ZFR: variants seen among roughly 807,000 people sequenced by gnomAD.
The protein encoded by ZFR is zinc finger RNA-binding protein.
A neutral mutation model predicts 130.7 loss-of-function variants in ZFR; 19 were observed. That is an observed-to-expected ratio of 0.15 (90% CI 0.10 to 0.21). The LOEUF is 0.21. ZFR is among the 10% of genes least tolerant of loss of function. ZFR has a pLI of 1.00. For synonymous variants in ZFR, 466 were observed against 456.9 expected (o/e 1.02, Z -0.25); for missense variants, 872 against 1,321.5 (o/e 0.66, Z 5.27).
intron 6 of ZFR, 63 bp downstream of exon 6, chr5:32,406,711 T>TACCAAGGC: frequency 1.3e-6 from 2 of 1,538,064 alleles, no homozygotes; most frequent in South Asian, 2.6e-5. Context: ...GGCTCAGGAG[T>TACCAAGGC]TAGAATACCA....
chr5:32,408,701 G>C (rs900385151), intron 5 of ZFR, among the ~76,000 whole-genome samples: 8 of 152,158 alleles, frequency 5.3e-5, no homozygotes, highest in African/African-American at 1.9e-4. Context: ...GCCCAGTAGA[G>C]TTTATTAGTT....
chr5:32,412,525 T>C (rs994627047), intron 5 of ZFR, among the ~76,000 whole-genome samples: 1 of 152,194 alleles, frequency 6.6e-6, no homozygotes, highest in African/African-American at 2.4e-5. Flanking sequence ...AGCACAAACA[T>C]ACATACACCA....
chr5:32,413,196 A>AAAAAC (rs1554073448), intron 5 of ZFR, among the ~76,000 whole-genome samples: 2 of 151,778 alleles, frequency 1.3e-5, no homozygotes, highest in South Asian at 2.1e-4. Flanking sequence ...TAATCTCAAA[A>AAAAAC]AAAACAAAAC....
chr5:32,360,790 C>T (rs191424272), intron 19 of ZFR, among the ~76,000 whole-genome samples: 1 of 152,124 alleles, frequency 6.6e-6, no homozygotes, highest in Admixed American at 6.5e-5. Context: ...TGAGGTCTTG[C>T]TATGTTGCTC....
chr5:32,375,480 G>C (rs1480809215), intron 17 of ZFR, among the ~76,000 whole-genome samples: 1 of 151,952 alleles, frequency 6.6e-6, no homozygotes, highest in East Asian at 1.9e-4. Flanking sequence ...ACAAGTATTG[G>C]AAAGAAGGCA....
chr5:32,423,464 G>A, intron 2 of ZFR, among the ~76,000 whole-genome samples: 1 of 151,846 alleles, frequency 6.6e-6, no homozygotes, highest in East Asian at 1.9e-4. Flanking sequence ...AACATATGAA[G>A]GCCACAGATG....
chr5:32,438,060 C>T (rs530167959), intron 2 of ZFR, among the ~76,000 whole-genome samples: 1 of 152,188 alleles, frequency 6.6e-6, no homozygotes, highest in South Asian at 2.1e-4. Flanking sequence ...CTCATGAACA[C>T]AGTCCATCTT....
intron 6 of ZFR, among the ~76,000 whole-genome samples, chr5:32,405,386 A>T (rs1031918793): frequency 3.3e-5 from 5 of 152,160 alleles, no homozygotes; most frequent in Admixed American, 2.6e-4. Flanking sequence ...AATCTCAATG[A>T]TATTTTTCGC....
At chr5:32,380,650 CTTTTTTTT>C (rs55724344) in intron 15 of ZFR, among the ~76,000 whole-genome samples, 55 of 97,046 alleles carry the variant, frequency 5.7e-4, no homozygotes, top group Non-Finnish European at 5.8e-4. Context: ...ACAGGCATTT[CTTTTTTTT>C]TTTTTTTTTT....
At chr5:32,430,945 C>T (rs940412560) in intron 2 of ZFR, among the ~76,000 whole-genome samples, 10 of 151,942 alleles carry the variant, frequency 6.6e-5, no homozygotes, top group Admixed American at 2.0e-4. Context: ...GGCATGGTGG[C>T]GTGCCTGTAA....
At chr5:32,433,988 G>C (rs942331616) in intron 2 of ZFR, among the ~76,000 whole-genome samples, 1 of 152,220 alleles carries the variant, frequency 6.6e-6, no homozygotes, top group Non-Finnish European at 1.5e-5. Flanking sequence ...AGGATCACCT[G>C]TGCCTGGGAG....
intron 6 of ZFR, among the ~76,000 whole-genome samples, chr5:32,406,088 CATA>C (rs1446670595): frequency 6.6e-6 from 1 of 152,192 alleles, no homozygotes. Flanking sequence ...CACTCTTAAG[CATA>C]ATAATAAGGC....
At chr5:32,439,637 G>C (rs906435543) in intron 2 of ZFR, among the ~76,000 whole-genome samples, 15 of 151,790 alleles carry the variant, frequency 9.9e-5, no homozygotes, top group African/African-American at 3.4e-4. Context: ...AAGAAAAAGT[G>C]GCTGTTTACA....
At chr5:32,401,311 A>G (rs1263490666) in intron 8 of ZFR, among the ~76,000 whole-genome samples, 2 of 152,228 alleles carry the variant, frequency 1.3e-5, no homozygotes, top group African/African-American at 4.8e-5. Context: ...GAAGATACAA[A>G]TAACGATAAT....
At chr5:32,377,155 GAAAAA>G (rs771800535) in intron 17 of ZFR, among the ~76,000 whole-genome samples, 3 of 4,366 alleles carry the variant, frequency 6.9e-4, no homozygotes, top group African/African-American at 2.8e-3. Context: ...GACTCCATCT[GAAAAA>G]AAAAAAAAAA....
Position 32,385,538 on chromosome 5 carries a change from T to C in ZFR, c.2611A>G (p.Ile871Val), listed in dbSNP as rs200231456. 1.7e-5 allele frequency: 28 copies of C among 1,613,412 alleles called. 1 individual carries two copies. Among genetic ancestry groups the C allele is most frequent in the South Asian group, 1.6e-4 (15 of 91,044 alleles). The change falls in exon 15 of 20, where the codon ATT (isoleucine) becomes GTT (valine). Residue 871 changes from isoleucine (I) to valine (V), a missense_variant. This residue lies in a region of ZFR where 158 missense variants were observed against 264.0 expected (regional missense o/e 0.60). Coordinates refer to ENST00000265069, the MANE Select transcript of ZFR (RefSeq NM_016107.5). Reference protein sequence around the residue: ...MQVTITLTSPIIREENMREGD... With the variant: ...MQVTITLTSPVIREENMREGD... ...TCCCTCATGTTCTCTTCTCGAATAA[T>C]TGGAGATGTCAGTGTGATAGTGACT...
At chr5:32,356,459 C>A (rs1315104239) in intron 19 of ZFR, among the ~76,000 whole-genome samples, 1 of 152,190 alleles carries the variant, frequency 6.6e-6, no homozygotes, top group African/African-American at 2.4e-5. Flanking sequence ...GTTGCCCAGG[C>A]TGGAGTGCAG....
chr5:32,360,778 G>A (rs1015563321), intron 19 of ZFR, among the ~76,000 whole-genome samples: 6 of 151,874 alleles, frequency 4.0e-5, no homozygotes, highest in Admixed American at 6.6e-5. Context: ...TTTTTTAAGC[G>A]ATGAGGTCTT....
chr5:32,356,667 C>G (rs530807527), intron 19 of ZFR, among the ~76,000 whole-genome samples: 1 of 151,740 alleles, frequency 6.6e-6, no homozygotes, highest in South Asian at 2.1e-4. Flanking sequence ...GATCCGCCCG[C>G]CTCGGCCTCC....
Sources: gnomAD v4.1 joint callset for allele counts (sites outside exome capture counted in the v4.1 genomes callset) on GRCh38, gnomAD v4.1.1 for gene constraint, gnomAD v4.1.1 regional missense constraint, MANE v1.5 for transcripts, NCBI Gene and HGNC (gene_info 2026-07-23, HGNC 2026-07-21) for gene names.